Variants in KATNAL1 observed in about 807,000 individuals in gnomAD.
The protein encoded by KATNAL1 is katanin catalytic subunit A1 like 1.
A neutral mutation model predicts 55.2 loss-of-function variants in KATNAL1; 32 were observed. The observed-to-expected ratio is 0.58, with a 90% confidence interval of 0.44 to 0.78. KATNAL1 has a LOEUF of 0.78. KATNAL1 is among the 30% of genes least tolerant of loss of function. The pLI is 0.00. For missense variants in KATNAL1, 466 were observed against 600.9 expected, an observed-to-expected ratio of 0.78 and a Z score of 2.35; for synonymous variants, 193 against 193.6, an observed-to-expected ratio of 1.00 and a Z score of 0.02.
Position 30,307,377 on chromosome 13 carries a change from G to T in KATNAL1, c.-61C>A. On this transcript the variant is annotated 5_prime_UTR_variant, in exon 1 of 11. Transcript: ENST00000380615. ...ACATTCAGCGATGCGGTCCAGATGG[G>T]GTGCGGGTGGGGCGCAGGCCGCCGC... 1 of 154,702 alleles carries T rather than the reference G, an allele frequency of 6.5e-6. No individual in the cohort carries two copies. Among genetic ancestry groups the T allele is most frequent in the South Asian group, 1.8e-4 (1 of 5,520 alleles). 9.6% of individuals were successfully genotyped at this position (154,702 alleles called of 1,614,324 possible).
rs1250549443 is a variant in KATNAL1, at chr13:30,202,954, A to C, written c.*5586T>G. ...ATACATTTGTCAGTAAAAATGTGAC[A>C]AAAATGTGATGTTTTTCCAGGTTTG... On this transcript the variant is annotated 3_prime_UTR_variant, in exon 11 of 11. Transcript: ENST00000380615. 6.6e-6 allele frequency: 1 copy of C among 152,212 alleles called. No individual in the cohort carries two copies. The highest frequency in any genetic ancestry group is 2.4e-5 in the African/African-American group (1 of 41,454). The allele number at this position is 152,212 out of a possible 1,614,324, so 9.4% of individuals were successfully genotyped here.
chr13:30,271,509 GT>G (rs1242512299), intron 3 of KATNAL1, among the ~76,000 whole-genome samples: 3 of 152,244 alleles, frequency 2.0e-5, no homozygotes, highest in African/African-American at 4.8e-5. Flanking sequence ...AGGTTGGGGG[GT>G]GCGGGCGGAA....
At chr13:30,224,927 T>C (rs1875291201) in intron 9 of KATNAL1, among the ~76,000 whole-genome samples, 1 of 152,212 alleles carries the variant, frequency 6.6e-6, no homozygotes, top group Non-Finnish European at 1.5e-5. Context: ...GTGGACCACA[T>C]GAGTCATGTC....
At chr13:30,219,225 C>A (rs1874608880) in intron 9 of KATNAL1, among the ~76,000 whole-genome samples, 1 of 152,156 alleles carries the variant, frequency 6.6e-6, no homozygotes, top group African/African-American at 2.4e-5. Context: ...CAAAATCATT[C>A]TTTTCAGATC....
At chr13:30,289,123 T>C (rs770383209) in intron 1 of KATNAL1, among the ~76,000 whole-genome samples, 4 of 152,234 alleles carry the variant, frequency 2.6e-5, no homozygotes, top group Non-Finnish European at 5.9e-5. Context: ...TTCTTATCTT[T>C]AGCTATTCTA....
At chr13:30,274,907 G>GCGCGCGCGCGCACACACA (rs869107567) in intron 3 of KATNAL1, among the ~76,000 whole-genome samples, 2 of 105,390 alleles carry the variant, frequency 1.9e-5, no homozygotes, top group African/African-American at 4.1e-5. Flanking sequence ...GCGCGCGCGC[G>GCGCGCGCGCGCACACACA]CACACACACA....
intron 10 of KATNAL1, 75 bp downstream of exon 10, chr13:30,210,241 T>C (rs1221225516): frequency 2.3e-6 from 3 of 1,304,768 alleles, no homozygotes; most frequent in East Asian, 2.6e-5. Context: ...CTGGGCTAAC[T>C]ACATTGACTT....
intron 1 of KATNAL1, among the ~76,000 whole-genome samples, chr13:30,291,960 G>A (rs552533880): frequency 2.0e-5 from 3 of 152,094 alleles, no homozygotes; most frequent in Non-Finnish European, 4.4e-5. Flanking sequence ...GCTTTGACCT[G>A]GAAGGAGGAG....
At chr13:30,227,061 A>G (rs951817421) in intron 9 of KATNAL1, among the ~76,000 whole-genome samples, 4 of 151,756 alleles carry the variant, frequency 2.6e-5, no homozygotes, top group Non-Finnish European at 5.9e-5. Flanking sequence ...GGGCAACAGA[A>G]TAAGACTGTG....
At chr13:30,228,672 G>A (rs923714784) in intron 8 of KATNAL1, among the ~76,000 whole-genome samples, 3 of 152,204 alleles carry the variant, frequency 2.0e-5, no homozygotes, top group Admixed American at 1.3e-4. Context: ...ATAGTACATT[G>A]TAAGTATTCA....
chr13:30,229,690 C>T (rs1433901870), intron 8 of KATNAL1, among the ~76,000 whole-genome samples: 1 of 152,046 alleles, frequency 6.6e-6, no homozygotes, highest in East Asian at 1.9e-4. Flanking sequence ...TGTACTCCAG[C>T]CTGGACAACA....
intron 3 of KATNAL1, among the ~76,000 whole-genome samples, chr13:30,274,393 CCT>C (rs1337651215): frequency 2.6e-5 from 4 of 152,040 alleles, no homozygotes; most frequent in African/African-American, 9.7e-5. Flanking sequence ...ATAAAAATTT[CCT>C]CTTTGCTGAA....
At chr13:30,278,541 C>G (rs988273722) in intron 3 of KATNAL1, among the ~76,000 whole-genome samples, 2 of 152,138 alleles carry the variant, frequency 1.3e-5, no homozygotes, top group Admixed American at 6.5e-5. Flanking sequence ...AAATGTCATC[C>G]ACAACTTTTT....
At chr13:30,237,693 G>A (rs1876830550) in intron 6 of KATNAL1, among the ~76,000 whole-genome samples, 1 of 152,066 alleles carries the variant, frequency 6.6e-6, no homozygotes, top group Non-Finnish European at 1.5e-5. Flanking sequence ...CTAACTTGGT[G>A]CATTTCCACA....
At chr13:30,218,263 T>C (rs1166478339) in intron 9 of KATNAL1, among the ~76,000 whole-genome samples, 3 of 147,884 alleles carry the variant, frequency 2.0e-5, no homozygotes, top group African/African-American at 7.5e-5. Context: ...GAAGTCAGAG[T>C]CACCCCGAGT....
chr13:30,222,484 T>C (rs1874971632), intron 9 of KATNAL1, among the ~76,000 whole-genome samples: 2 of 152,228 alleles, frequency 1.3e-5, no homozygotes, highest in African/African-American at 4.8e-5. Flanking sequence ...TCTGCAGGAC[T>C]CTGACTAATA....
intron 2 of KATNAL1, 108 bp downstream of exon 2, chr13:30,283,508 A>G: frequency 1.2e-6 from 1 of 839,980 alleles, no homozygotes; most frequent in African/African-American, 1.7e-5. Context: ...TGAGATAAAT[A>G]GGCACTATTT....
chr13:30,260,205 A>T (rs1167788518), intron 3 of KATNAL1, among the ~76,000 whole-genome samples: 1 of 152,194 alleles, frequency 6.6e-6, no homozygotes, highest in African/African-American at 2.4e-5. Context: ...GGACATCCAC[A>T]CCAAAAACCC....
intron 3 of KATNAL1, among the ~76,000 whole-genome samples, chr13:30,269,069 C>A (rs1257788574): frequency 2.6e-5 from 4 of 151,974 alleles, no homozygotes; most frequent in Admixed American, 2.6e-4. Context: ...TCTCCCTCTC[C>A]CCCTCCCCCT....
Sources: gnomAD v4.1 joint callset for allele counts (sites outside exome capture counted in the v4.1 genomes callset) on GRCh38, gnomAD v4.1.1 for gene constraint, MANE v1.5 for transcripts, NCBI Gene and HGNC (gene_info 2026-07-23, HGNC 2026-07-21) for gene names.